Variants in PEPD observed in about 807,000 individuals in gnomAD.
PEPD encodes peptidase D.
PEPD carries 53 observed loss-of-function variants against 60.7 expected under a neutral mutation model. The observed-to-expected ratio is 0.87, with a 90% confidence interval of 0.70 to 1.10. PEPD has a LOEUF of 1.10. Ranked by LOEUF, PEPD falls within the 50% of genes least tolerant of loss-of-function variation. The probability of loss-of-function intolerance (pLI) is 0.00; values close to 1 mark genes in which losing one functional copy is unlikely to be tolerated. For missense variants in PEPD, 711 were observed against 711.9 expected (o/e 1.00, Z 0.01); for synonymous variants, 267 against 284.1 (o/e 0.94, Z 0.60).
intron 3 of PEPD, among the ~76,000 whole-genome samples, chr19:33,503,601 G>C (rs888358902): frequency 6.6e-6 from 1 of 152,100 alleles, no homozygotes. Flanking sequence ...TCTCAGCACC[G>C]AGTTGACCCC....
intron 9 of PEPD, among the ~76,000 whole-genome samples, chr19:33,440,128 T>C (rs868833613): frequency 6.6e-5 from 10 of 152,224 alleles, no homozygotes; most frequent in Middle Eastern, 3.4e-3. Context: ...GAAATGAACC[T>C]CTGAACCTCT....
chr19:33,495,079 T>G (rs147497009), intron 4 of PEPD, among the ~76,000 whole-genome samples: 1,687 of 150,754 alleles, frequency 0.011, 35 homozygotes, highest in African/African-American at 0.039. Flanking sequence ...GAGCTTGCAG[T>G]GAGCCAAGAC....
intron 12 of PEPD, among the ~76,000 whole-genome samples, chr19:33,397,179 C>G (rs974841803): frequency 3.3e-5 from 5 of 152,204 alleles, no homozygotes; most frequent in Non-Finnish European, 7.4e-5. Flanking sequence ...TCCTTCCTCG[C>G]CGACTGTGAA....
intron 9 of PEPD, among the ~76,000 whole-genome samples, chr19:33,461,333 T>C (rs1262834338): frequency 6.6e-6 from 1 of 150,816 alleles, no homozygotes; most frequent in Admixed American, 6.6e-5. Flanking sequence ...CTCCATTACC[T>C]GGAAGGCATG....
rs144145142 is a variant in PEPD, at chr19:33,500,361, C to T, written c.393+577G>A. On this transcript the variant is annotated intron_variant, in intron 4 of 14. Coordinates refer to ENST00000244137, the MANE Select transcript of PEPD (RefSeq NM_000285.4). ...CACTGGCAGGAAGGAGAGCTGGAGT[C>T]GAGGAGTCAGGGCAGCCCCTTTGAC... is the stretch of plus-strand genomic sequence containing the variant. Among the ~76,000 whole-genome samples the T allele has an allele frequency of 2.9e-3, 448 of 152,312 alleles. 3 individuals carry two copies. The highest frequency in any genetic ancestry group is 0.01 in the African/African-American group (425 of 41,566).
At chr19:33,454,433 C>A (rs555929629) in intron 9 of PEPD, among the ~76,000 whole-genome samples, 1 of 151,980 alleles carries the variant, frequency 6.6e-6, no homozygotes, top group Non-Finnish European at 1.5e-5. Flanking sequence ...AAAACCCTGT[C>A]TCTACTAAAA....
intron 9 of PEPD, among the ~76,000 whole-genome samples, chr19:33,432,010 A>AAAAAAAAAAAAAAAAAAAAAAAG (rs1031542443): frequency 1.0e-4 from 15 of 147,600 alleles, no homozygotes; most frequent in African/African-American, 3.6e-4. Context: ...AAAAAAAAAA[A>AAAAAAAAAAAAAAAAAAAAAAAG]GGGAAGATTA....
At chr19:33,423,176 T>C (rs1258796389) in intron 9 of PEPD, among the ~76,000 whole-genome samples, 2 of 152,320 alleles carry the variant, frequency 1.3e-5, no homozygotes, top group Middle Eastern at 3.4e-3. Context: ...TATCTTTTTG[T>C]TCACTGTAGT....
intron 6 of PEPD, among the ~76,000 whole-genome samples, chr19:33,485,468 G>A (rs933863294): frequency 4.3e-5 from 6 of 140,340 alleles, no homozygotes; most frequent in African/African-American, 1.7e-4. Flanking sequence ...ACTCCAGCCT[G>A]GGCAACAGAG....
chr19:33,425,276 G>A (rs543193300), intron 9 of PEPD, among the ~76,000 whole-genome samples: 32 of 150,534 alleles, frequency 2.1e-4, no homozygotes, highest in South Asian at 4.2e-4. Flanking sequence ...CAGCCTGGGC[G>A]ACAGAGTGAG....
chr19:33,422,545 CCCAT>C (rs199871673), intron 9 of PEPD, among the ~76,000 whole-genome samples: 16 of 151,660 alleles, frequency 1.1e-4, no homozygotes, highest in South Asian at 2.1e-4. Context: ...CATCCATCTA[CCCAT>C]CCATCCATCC....
At chr19:33,394,382 C>T (rs982253037) in intron 12 of PEPD, among the ~76,000 whole-genome samples, 1 of 152,240 alleles carries the variant, frequency 6.6e-6, no homozygotes, top group Admixed American at 6.5e-5. Flanking sequence ...GGCCCGGCGC[C>T]GCCCAGATGT....
At chr19:33,468,571 C>A (rs1970062541) in intron 7 of PEPD, among the ~76,000 whole-genome samples, 1 of 152,248 alleles carries the variant, frequency 6.6e-6, no homozygotes, top group African/African-American at 2.4e-5. Context: ...TCAGAGGCAG[C>A]AAGCCCTTGG....
chr19:33,387,283 C>T lies in PEPD; in HGVS notation c.*61G>A. 1 of 1,599,168 alleles carries T rather than the reference C, an allele frequency of 6.3e-7. No individual in the cohort carries two copies. Among genetic ancestry groups the T allele is most frequent in the Non-Finnish European group, 8.5e-7 (1 of 1,169,986 alleles). ...TACTGGAGTGCTGACCAGCAGGCTGCCCATCACGAAAAGAGGTTGCAAGGC... is the reference window on the plus strand; with the variant it reads ...TACTGGAGTGCTGACCAGCAGGCTGTCCATCACGAAAAGAGGTTGCAAGGC... On this transcript the variant is annotated 3_prime_UTR_variant, in exon 15 of 15. Transcript: ENST00000244137.
At chr19:33,411,815 G>C in intron 10 of PEPD, 66 bp from the exon 11 acceptor site, 11 of 957,566 alleles carry the variant, frequency 1.1e-5, no homozygotes, top group Non-Finnish European at 1.8e-5. Context: ...AGGAGGGGGT[G>C]GATGCTCGAT....
At chr19:33,513,300 C>G (rs1409834677) in intron 1 of PEPD, among the ~76,000 whole-genome samples, 3 of 152,142 alleles carry the variant, frequency 2.0e-5, no homozygotes, top group Non-Finnish European at 4.4e-5. Flanking sequence ...TCCTTCAGCT[C>G]AAAGGACCAT....
intron 9 of PEPD, among the ~76,000 whole-genome samples, chr19:33,445,096 GCCT>G (rs1457401852): frequency 6.6e-6 from 1 of 152,154 alleles, no homozygotes; most frequent in East Asian, 1.9e-4. Flanking sequence ...GGATTACTCA[GCCT>G]CCTCAATGGT....
intron 1 of PEPD, among the ~76,000 whole-genome samples, chr19:33,519,397 C>T (rs977392096): frequency 6.6e-6 from 1 of 152,244 alleles, no homozygotes; most frequent in Non-Finnish European, 1.5e-5. Flanking sequence ...CCCCCTCTGT[C>T]CCAGGCTCTG....
chr19:33,480,382 C>A (rs1970291071), intron 6 of PEPD, among the ~76,000 whole-genome samples: 1 of 152,044 alleles, frequency 6.6e-6, no homozygotes, highest in African/African-American at 2.4e-5. Context: ...CATAACAGAG[C>A]CCTAAGATGT....
Sources: allele counts gnomAD v4.1 joint callset (sites outside exome capture counted in the v4.1 genomes callset), GRCh38; gene constraint gnomAD v4.1.1; transcripts MANE v1.5; gene names NCBI Gene and HGNC (gene_info 2026-07-23, HGNC 2026-07-21).